The following CCDC178 variants were observed in gnomAD, a reference collection of about 807,000 sequenced individuals.
CCDC178 encodes the protein coiled-coil domain containing 178.
In CCDC178, 126 loss-of-function variants were observed where a neutral mutation model predicts 117.4. That is an observed-to-expected ratio of 1.07 (90% CI 0.93 to 1.24). The LOEUF is 1.24. CCDC178 is among the 50% of genes most tolerant of loss of function. The pLI, the probability that CCDC178 is intolerant of heterozygous loss-of-function variation, is 0.00. For synonymous variants in CCDC178, 283 were observed against 313.4 expected (o/e 0.90, Z 1.02); for missense variants, 1,030 against 986.9 (o/e 1.04, Z -0.59).
chr18:33,060,103 C>T (rs1404777526), intron 21 of CCDC178, among the ~76,000 whole-genome samples: 3 of 152,044 alleles, frequency 2.0e-5, no homozygotes, highest in Non-Finnish European at 4.4e-5. Context: ...TAGGTATCTA[C>T]TTTTTTGTGA....
At chr18:32,945,784 C>G (rs987720207) in intron 22 of CCDC178, among the ~76,000 whole-genome samples, 6 of 152,070 alleles carry the variant, frequency 3.9e-5, no homozygotes, top group African/African-American at 1.4e-4. Flanking sequence ...CATGTTCATG[C>G]AGAGACGACT....
At chr18:33,131,063 T>C (rs1420774393) in intron 20 of CCDC178, among the ~76,000 whole-genome samples, 1 of 151,912 alleles carries the variant, frequency 6.6e-6, no homozygotes, top group Non-Finnish European at 1.5e-5. Flanking sequence ...GCCTATTATA[T>C]AAGGAGTTGA....
chr18:33,331,616 G>T (rs886531474), intron 10 of CCDC178, among the ~76,000 whole-genome samples: 6 of 152,044 alleles, frequency 3.9e-5, no homozygotes, highest in African/African-American at 1.4e-4. Context: ...CATCTCATTA[G>T]AAATACAATG....
At chr18:33,106,787 C>T (rs1176908601) in intron 20 of CCDC178, among the ~76,000 whole-genome samples, 1 of 151,512 alleles carries the variant, frequency 6.6e-6, no homozygotes, top group East Asian at 1.9e-4. Context: ...TCTTTTCTAC[C>T]TAAGTTCAGA....
intron 20 of CCDC178, among the ~76,000 whole-genome samples, chr18:33,197,126 C>T (rs913705555): frequency 1.3e-5 from 2 of 151,902 alleles, no homozygotes; most frequent in Non-Finnish European, 2.9e-5. Context: ...TTCCTGGGCT[C>T]AAGCGATTCT....
chr18:33,391,661 C>G (rs1459351483), intron 4 of CCDC178, among the ~76,000 whole-genome samples: 1 of 151,540 alleles, frequency 6.6e-6, no homozygotes, highest in Non-Finnish European at 1.5e-5. Flanking sequence ...TTCCAAATAA[C>G]AAATGTGTCA....
intron 2 of CCDC178, among the ~76,000 whole-genome samples, chr18:33,420,456 C>A (rs993251213): frequency 7.2e-5 from 11 of 152,108 alleles, no homozygotes; most frequent in Non-Finnish European, 1.0e-4. Context: ...CAGGTTCAAG[C>A]GATTCTCATG....
chr18:33,287,751 C>T (rs1421774077), intron 12 of CCDC178, among the ~76,000 whole-genome samples: 1 of 151,914 alleles, frequency 6.6e-6, no homozygotes, highest in Non-Finnish European at 1.5e-5. Context: ...TGCATTCCAG[C>T]CTGGGCAACA....
intron 20 of CCDC178, among the ~76,000 whole-genome samples, chr18:33,157,472 T>G (rs2058414814): frequency 6.6e-6 from 1 of 152,230 alleles, no homozygotes; most frequent in African/African-American, 2.4e-5. Flanking sequence ...GGAATGATAT[T>G]AATACAGACC....
chr18:33,140,460 C>A (rs979653739), intron 20 of CCDC178, among the ~76,000 whole-genome samples: 1 of 152,188 alleles, frequency 6.6e-6, no homozygotes, highest in Non-Finnish European at 1.5e-5. Context: ...TCATGAGAAC[C>A]CACCTCTTGC....
intron 21 of CCDC178, among the ~76,000 whole-genome samples, chr18:33,070,056 C>T (rs1485611441): frequency 6.6e-6 from 1 of 151,974 alleles, no homozygotes; most frequent in East Asian, 1.9e-4. Flanking sequence ...GAAAAGGGAA[C>T]TCTTATACAA....
chr18:33,394,957 A>G (rs866270625), intron 4 of CCDC178, among the ~76,000 whole-genome samples: 105 of 128,468 alleles, frequency 8.2e-4, no homozygotes, highest in Admixed American at 1.5e-3. Flanking sequence ...ATATATATAT[A>G]TATATATATA....
chr18:33,079,223 T>TTTGA (rs2057260194), intron 21 of CCDC178, among the ~76,000 whole-genome samples: 1 of 152,118 alleles, frequency 6.6e-6, no homozygotes, highest in Admixed American at 6.6e-5. Flanking sequence ...TGGCTAGAAA[T>TTTGA]ATGCAGAAGT....
At chr18:33,044,044 CAT>C (rs1243061362) in intron 21 of CCDC178, among the ~76,000 whole-genome samples, 3 of 149,904 alleles carry the variant, frequency 2.0e-5, no homozygotes, top group South Asian at 2.2e-4. Flanking sequence ...CACACACCAG[CAT>C]ATGTGTGTGT....
At chr18:33,408,896 G>A (rs2063816327) in intron 3 of CCDC178, among the ~76,000 whole-genome samples, 1 of 152,072 alleles carries the variant, frequency 6.6e-6, no homozygotes, top group South Asian at 2.1e-4. Context: ...TTGTTAAAAG[G>A]TCCTGTTAAT....
intron 21 of CCDC178, among the ~76,000 whole-genome samples, chr18:33,020,505 G>T (rs977216679): frequency 6.6e-6 from 1 of 152,134 alleles, no homozygotes; most frequent in Admixed American, 6.6e-5. Context: ...CTTTAAATAA[G>T]ATAAGGTTTG....
intron 20 of CCDC178, among the ~76,000 whole-genome samples, chr18:33,191,443 G>A (rs910127861): frequency 2.6e-5 from 4 of 151,934 alleles, no homozygotes; most frequent in Admixed American, 2.0e-4. Flanking sequence ...TTATTTTCAA[G>A]GATTATAAGA....
intron 20 of CCDC178, among the ~76,000 whole-genome samples, chr18:33,206,730 T>A (rs2059048998): frequency 6.6e-6 from 1 of 152,210 alleles, no homozygotes; most frequent in South Asian, 2.1e-4. Context: ...CAGTAATATC[T>A]GTTAGGAGCA....
At chr18:33,053,767 G>A (rs1413802912) in intron 21 of CCDC178, among the ~76,000 whole-genome samples, 3 of 152,026 alleles carry the variant, frequency 2.0e-5, no homozygotes, top group Non-Finnish European at 2.9e-5. Context: ...TTTCAAGAAC[G>A]CATTTGTATC....
Sources: allele counts gnomAD v4.1 joint callset (sites outside exome capture counted in the v4.1 genomes callset), GRCh38; gene constraint gnomAD v4.1.1; transcripts MANE v1.5; gene names NCBI Gene and HGNC (gene_info 2026-07-23, HGNC 2026-07-21).